The following SNX30 variants were observed in gnomAD, a reference collection of about 807,000 sequenced individuals.
SNX30 encodes sorting nexin family member 30.
SNX30 carries 24 observed loss-of-function variants against 46.4 expected under a neutral mutation model. The ratio of observed to expected loss-of-function variants is 0.52; its 90% CI spans 0.37 to 0.73. The LOEUF (loss-of-function observed/expected upper bound fraction) is 0.73, where lower values mean the gene tolerates loss of function less well. Among genes scored for constraint, SNX30 ranks in the 30% least tolerant of loss-of-function variants. The pLI is 0.00. For missense variants in SNX30, 533 were observed against 555.7 expected, an observed-to-expected ratio of 0.96 and a Z score of 0.41; for synonymous variants, 189 against 211.5, an observed-to-expected ratio of 0.89 and a Z score of 0.92.
At chr9:112,868,321 G>A (rs1841392853) in intron 8 of SNX30, among the ~76,000 whole-genome samples, 2 of 152,202 alleles carry the variant, frequency 1.3e-5, no homozygotes, top group South Asian at 4.1e-4. Flanking sequence ...GTGAGGAAGA[G>A]TGGGCTTTCC....
chr9:112,770,724 G>A (rs1204623296), intron 1 of SNX30, among the ~76,000 whole-genome samples: 4 of 152,040 alleles, frequency 2.6e-5, no homozygotes, highest in South Asian at 2.1e-4. Flanking sequence ...CTGGCCGGGC[G>A]CGGTGGCTCA....
chr9:112,858,322 C>A (rs1841168902), intron 7 of SNX30, among the ~76,000 whole-genome samples: 1 of 152,148 alleles, frequency 6.6e-6, no homozygotes, highest in Non-Finnish European at 1.5e-5. Flanking sequence ...CGAGACCAGC[C>A]TGGGCAAGGT....
chr9:112,847,577 C>G (rs1179843959), intron 6 of SNX30, among the ~76,000 whole-genome samples: 1 of 151,854 alleles, frequency 6.6e-6, no homozygotes, highest in Non-Finnish European at 1.5e-5. Context: ...AGGATCTGTA[C>G]ATTGATTGGT....
At chr9:112,780,220 C>G (rs787300) in intron 1 of SNX30, among the ~76,000 whole-genome samples, 44,298 of 152,060 alleles carry the variant, frequency 0.29, 6,711 homozygotes, top group South Asian at 0.46. Context: ...TGTATATGAG[C>G]AGGCAGAATT....
At chr9:112,859,271 C>T (rs1365014681) in intron 7 of SNX30, among the ~76,000 whole-genome samples, 1 of 152,110 alleles carries the variant, frequency 6.6e-6, no homozygotes, top group African/African-American at 2.4e-5. Context: ...CTTTTTGAGG[C>T]TGAATAATAT....
intron 8 of SNX30, 21 bp from the exon 9 acceptor site, chr9:112,868,763 G>A: frequency 6.2e-7 from 1 of 1,613,896 alleles, no homozygotes; most frequent in Non-Finnish European, 8.5e-7. Flanking sequence ...CTGATACTGT[G>A]TGTGTATGTT....
chr9:112,850,482 G>A (rs187590249), intron 6 of SNX30, among the ~76,000 whole-genome samples: 15 of 152,366 alleles, frequency 9.8e-5, no homozygotes, highest in Admixed American at 9.1e-4. Flanking sequence ...ATCCAGTGTT[G>A]TAGCCTGCAA....
intron 3 of SNX30, among the ~76,000 whole-genome samples, chr9:112,819,266 CT>C (rs35138610): frequency 2.4e-4 from 28 of 116,994 alleles, no homozygotes; most frequent in East Asian, 1.3e-3. Flanking sequence ...TTCTTTCTTT[CT>C]TTTTTTTTTT....
chr9:112,813,192 G>A (rs1212307180), intron 2 of SNX30, among the ~76,000 whole-genome samples: 2 of 152,034 alleles, frequency 1.3e-5, no homozygotes, highest in Admixed American at 1.3e-4. Context: ...CCCTGGTTGT[G>A]GTGGCTCATG....
intron 1 of SNX30, among the ~76,000 whole-genome samples, chr9:112,778,917 G>C (rs1400523484): frequency 6.6e-6 from 1 of 151,756 alleles, no homozygotes; most frequent in Non-Finnish European, 1.5e-5. Flanking sequence ...GCACAGCCCA[G>C]ACTGGGCAAG....
chr9:112,832,938 C>T (rs1455701265), intron 4 of SNX30, among the ~76,000 whole-genome samples: 1 of 150,258 alleles, frequency 6.7e-6, no homozygotes, highest in African/African-American at 2.4e-5. Flanking sequence ...TGAGTGAATA[C>T]AGGAGAGGTG....
intron 2 of SNX30, among the ~76,000 whole-genome samples, chr9:112,812,876 G>A (rs1840340897): frequency 6.6e-6 from 1 of 152,146 alleles, no homozygotes; most frequent in Non-Finnish European, 1.5e-5. Flanking sequence ...GCCGGGCATG[G>A]TGCCTCATGC....
intron 1 of SNX30, among the ~76,000 whole-genome samples, chr9:112,783,476 C>G (rs1392998894): frequency 6.6e-6 from 1 of 152,176 alleles, no homozygotes. Context: ...CTTCCCTTCC[C>G]TTGATTTAGA....
chr9:112,770,898 A>G (rs571212552), intron 1 of SNX30, among the ~76,000 whole-genome samples: 72 of 152,298 alleles, frequency 4.7e-4, no homozygotes, highest in Admixed American at 9.2e-4. Context: ...CAGGAGGCTG[A>G]GGCAGGAGAA....
At chr9:112,784,702 A>G (rs2131379360) in intron 1 of SNX30, among the ~76,000 whole-genome samples, 1 of 152,322 alleles carries the variant, frequency 6.6e-6, no homozygotes, top group South Asian at 2.1e-4. Context: ...AGTGAACGTC[A>G]GTAGGTTTAA....
intron 1 of SNX30, among the ~76,000 whole-genome samples, chr9:112,767,490 C>G (rs950241883): frequency 6.6e-6 from 1 of 152,104 alleles, no homozygotes; most frequent in African/African-American, 2.4e-5. Context: ...TATCTATTGC[C>G]AACTTCAGTG....
At chr9:112,829,217 G>A (rs1840624319) in intron 3 of SNX30, among the ~76,000 whole-genome samples, 1 of 151,996 alleles carries the variant, frequency 6.6e-6, no homozygotes, top group Admixed American at 6.6e-5. Flanking sequence ...ATGACTATTT[G>A]TGTACAAAAT....
At chr9:112,837,995 A>G (rs746945993) in intron 5 of SNX30, among the ~76,000 whole-genome samples, 4 of 147,518 alleles carry the variant, frequency 2.7e-5, no homozygotes, top group Admixed American at 1.4e-4. Flanking sequence ...GGTTCAAGCA[A>G]TTCTCCTGCC....
chr9:112,770,554 A>G (rs980853370), intron 1 of SNX30, among the ~76,000 whole-genome samples: 1 of 152,072 alleles, frequency 6.6e-6, no homozygotes, highest in African/African-American at 2.4e-5. Context: ...CTCCAAGTAC[A>G]TGGGTAATCT....
Sources: gnomAD v4.1 joint callset for allele counts (sites outside exome capture counted in the v4.1 genomes callset) on GRCh38, gnomAD v4.1.1 for gene constraint, MANE v1.5 for transcripts, NCBI Gene and HGNC (gene_info 2026-07-23, HGNC 2026-07-21) for gene names.